LFNG: variants seen among roughly 807,000 people sequenced by gnomAD.
LFNG encodes the protein LFNG O-fucosylpeptide 3-beta-N-acetylglucosaminyltransferase.
A neutral mutation model predicts 32.7 loss-of-function variants in LFNG; 15 were observed. The observed-to-expected ratio is 0.46, with a 90% CI of 0.31 to 0.71. The LOEUF (loss-of-function observed/expected upper bound fraction) is 0.71. Among genes scored for constraint, LFNG ranks in the 30% least tolerant of loss-of-function variants. The probability of loss-of-function intolerance (pLI) is 0.06; values close to 1 mark genes in which losing one functional copy is unlikely to be tolerated. For synonymous variants in LFNG, 274 were observed against 246.8 expected (o/e 1.11, Z -1.03); for missense variants, 520 against 545.7 (o/e 0.95, Z 0.47).
upstream of LFNG, chr7:2,517,776 G>A: frequency 2.5e-6 from 2 of 813,908 alleles, no homozygotes; most frequent in Non-Finnish European, 3.6e-6. Flanking sequence ...ATTGAGGAGG[G>A]ATTGGGCCTC....
chr7:2,526,101 GA>G lies in LFNG; in HGVS notation c.822-142del. 1.2e-6 allele frequency: 1 copy of G among 805,390 alleles called. No individual in the cohort carries two copies. The highest frequency in any genetic ancestry group is 1.7e-5 in the South Asian group (1 of 59,306). The allele number at this position is 805,390 out of a possible 1,614,324, so 49.9% of individuals were successfully genotyped here. ...GAGTGTGCCCTGGCTGTGGCCAGGGGAGGCAGAGGGAGCTGCAGCCCAGAGC... is the reference window on the plus strand; with the variant it reads ...GAGTGTGCCCTGGCTGTGGCCAGGGGGGCAGAGGGAGCTGCAGCCCAGAGC... On this transcript the variant is annotated intron_variant, in intron 5 of 7. Coordinates refer to ENST00000222725, the MANE Select transcript of LFNG (RefSeq NM_001040167.2). This position sits in a 1 kb window ranked among gnomAD's most constrained non-coding sequence, Gnocchi z 6.9.
Position 2,520,652 on chromosome 7 carries a change from C to T in LFNG, c.432+359C>T, listed in dbSNP as rs1317255725. Reference sequence around the variant, plus strand: ...GTCCTCAAACTTCCACAAGCAAATTCTGTTCGGACCCACCCTCAGCTCAGA... The same window carrying T: ...GTCCTCAAACTTCCACAAGCAAATTTTGTTCGGACCCACCCTCAGCTCAGA... On this transcript the variant is annotated intron_variant, in intron 1 of 7. Coordinates refer to ENST00000222725, the MANE Select transcript of LFNG (RefSeq NM_001040167.2). This position sits in a 1 kb window ranked among gnomAD's most constrained non-coding sequence, Gnocchi z 5.0. 6.6e-5 allele frequency among the ~76,000 whole-genome samples: 10 copies of T among 152,356 alleles called. No individual in the cohort carries two copies. The East Asian group carries it at 1.3e-3, about 21-fold the overall frequency.
Position 2,524,751 on chromosome 7 carries a change from C to G in LFNG, c.481+8C>G. The G allele has an allele frequency of 6.3e-7, 1 of 1,583,068 alleles. No homozygotes were observed. Among genetic ancestry groups the G allele is most frequent in the Non-Finnish European group, 8.6e-7 (1 of 1,164,470 alleles). ...CCCTGGCCAGGCACACGGGTGAGCCCTGGACTTGGGGCGGGAGGGGGCCCA... is the reference window on the plus strand; with the variant it reads ...CCCTGGCCAGGCACACGGGTGAGCCGTGGACTTGGGGCGGGAGGGGGCCCA... On this transcript the variant is annotated splice_region_variant and intron_variant, in intron 2 of 7. Coordinates refer to ENST00000222725, the MANE Select transcript of LFNG (RefSeq NM_001040167.2).
upstream of LFNG, chr7:2,517,716 G>A (rs915302660): frequency 2.0e-6 from 1 of 492,088 alleles, no homozygotes; most frequent in South Asian, 1.5e-5. Context: ...CAGGTACAGA[G>A]CACAACCCGT....
chr7:2,522,988 C>G (rs1779836235), intron 1 of LFNG, among the ~76,000 whole-genome samples: 2 of 152,226 alleles, frequency 1.3e-5, no homozygotes, highest in African/African-American at 4.8e-5. Context: ...ACCGGCACCC[C>G]CGCACCCCAT....
Position 2,526,110 on chromosome 7 carries a change from G to A in LFNG, c.822-134G>A, listed in dbSNP as rs1002525917. 7 of 879,358 alleles carry A rather than the reference G, an allele frequency of 8.0e-6. No homozygotes were observed. The African/African-American group carries it at 1.0e-4, about 13-fold the overall frequency. 54.5% of individuals were successfully genotyped at this position (879,358 alleles called of 1,614,324 possible). ...CTGGCTGTGGCCAGGGGAGGCAGAG[G>A]GAGCTGCAGCCCAGAGCTCTCCTCA... On this transcript the variant is annotated intron_variant, in intron 5 of 7. Coordinates refer to ENST00000222725, the MANE Select transcript of LFNG (RefSeq NM_001040167.2). The surrounding 1 kb of genome is among the most constrained non-coding windows in gnomAD (Gnocchi z 6.9).
intron 1 of LFNG, chr7:2,512,800 A>T: frequency 4.0e-6 from 4 of 1,007,394 alleles, no homozygotes; most frequent in Non-Finnish European, 6.2e-6. Flanking sequence ...GTACCCCTGC[A>T]TTCTACACCT....
rs1583279222 is a variant in LFNG, at chr7:2,527,539, C to T, written c.*327C>T. 3.1e-6 allele frequency: 4 copies of T among 1,287,914 alleles called. No individual in the cohort carries two copies. In the East Asian group the frequency reaches 1.5e-4, roughly 49 times the overall value. The allele number at this position is 1,287,914 out of a possible 1,614,324, so 79.8% of individuals were successfully genotyped here. A position where few individuals can be genotyped will look rare whatever the true frequency, so the allele number is the denominator to read the frequency against. ...TTAGGATTTTTGGATCTTTCTACAG[C>T]TACGGGGCTCCGGGCTACTTTGCAG... On this transcript the variant is annotated 3_prime_UTR_variant, in exon 8 of 8. Transcript: ENST00000222725. The surrounding 1 kb of genome is among the most constrained non-coding windows in gnomAD (Gnocchi z 4.4).
chr7:2,513,124 C>T (rs373971431), upstream of LFNG: 2 of 1,610,494 alleles, frequency 1.2e-6, no homozygotes, highest in Non-Finnish European at 1.7e-6. Flanking sequence ...TTTTCTAACC[C>T]CTGTTGAATC....
chr7:2,529,024 C>CACTG (rs1467095726), downstream of LFNG: 14 of 439,416 alleles, frequency 3.2e-5, no homozygotes, highest in Non-Finnish European at 4.1e-6. This position sits in a 1 kb window ranked among gnomAD's most constrained non-coding sequence, Gnocchi z 4.2. Flanking sequence ...TGTGATGTGG[C>CACTG]CCCAGGCCCC....
At chr7:2,515,869 C>T (rs1046487488), upstream of LFNG, among the ~76,000 whole-genome samples, 2 of 152,242 alleles carry the variant, frequency 1.3e-5, no homozygotes, top group African/African-American at 4.8e-5. Flanking sequence ...CCCACTCCAG[C>T]TGCAGTAATG....
At position 2,519,933 on chromosome 7, in the gene LFNG, C is replaced by A; in HGVS notation, c.72C>A (p.Leu24=). 5 of 1,032,950 alleles carry A rather than the reference C, an allele frequency of 4.8e-6. No individual in the cohort carries two copies. In the South Asian group the frequency reaches 2.1e-4, roughly 43 times the overall value. The allele number at this position is 1,032,950 out of a possible 1,614,324, so 64.0% of individuals were successfully genotyped here. The change falls in exon 1 of 8, where the codon CTC becomes CTA. Residue 24 remains leucine, a synonymous_variant. Transcript: ENST00000222725. ...CGCTGCTCGCCTGCCTGCTGGTGCT[C>A]ACCGCCGACCCGCCGCCGCCTCCAC... is the stretch of plus-strand genomic sequence containing the variant. ...AGALLACLLV[L]TADPPPPPLP...
At position 2,526,911 on chromosome 7, in the gene LFNG, G is replaced by C. The variant is rs780649312; in HGVS notation, c.1063G>C (p.Asp355His). The C allele has an allele frequency of 6.2e-7, 1 of 1,612,440 alleles. No homozygotes were observed. The highest frequency in any genetic ancestry group is 8.5e-7 in the Non-Finnish European group (1 of 1,179,826). The change falls in exon 7 of 8, where the codon GAC becomes CAC. Residue 355 changes from aspartate to histidine, a missense_variant. This residue lies in a region of LFNG where 150 missense variants were observed against 159.9 expected (regional missense o/e 0.94). Transcript: ENST00000222725. This position sits in a 1 kb window ranked among gnomAD's most constrained non-coding sequence, Gnocchi z 6.9. The stretch of plus-strand genomic sequence containing the variant: ...GAAGGGGCCCTTCTCGGTGGAGGCC[G>C]ACCCATCCAGGTAAGGAAACCCCGG... ...HVKGPFSVEA[D>H]PSRFRSIHCH...
chr7:2,516,420 C>A (rs1016536968), upstream of LFNG, among the ~76,000 whole-genome samples: 2 of 152,240 alleles, frequency 1.3e-5, no homozygotes, highest in Non-Finnish European at 2.9e-5. Context: ...GGCAGATGGC[C>A]ACCTCAAAGC....
chr7:2,515,749 A>T (rs1464889526), upstream of LFNG, among the ~76,000 whole-genome samples: 1 of 152,240 alleles, frequency 6.6e-6, no homozygotes, highest in Non-Finnish European at 1.5e-5. Flanking sequence ...ACAGAAGGGC[A>T]CTGGCCCAAG....
At position 2,527,141 on chromosome 7, in the gene LFNG, C is replaced by T. The variant is rs375460826; in HGVS notation, c.1074-5C>T. 1.2e-6 allele frequency: 2 copies of T among 1,612,224 alleles called. No homozygotes were observed. The highest frequency in any genetic ancestry group is 2.7e-5 in the African/African-American group (2 of 74,880). ...CGCAGACCAGCCCCTGCTCTGTTCC[C>T]ACAGGTTCCGCTCCATCCACTGCCA... On this transcript the variant is annotated splice_region_variant and splice_polypyrimidine_tract_variant and intron_variant, in intron 7 of 7. Coordinates refer to ENST00000222725, the MANE Select transcript of LFNG (RefSeq NM_001040167.2). The surrounding 1 kb of genome is among the most constrained non-coding windows in gnomAD (Gnocchi z 4.4).
rs375428158 is a variant in LFNG at position 2,525,491 on chromosome 7, C to T, written c.659C>T (p.Thr220Met). The T allele has an allele frequency of 3.2e-5, 52 of 1,612,412 alleles. 1 individual carries two copies. The highest frequency in any genetic ancestry group is 1.9e-4 in the South Asian group (17 of 91,070). Residue 220 changes from threonine to methionine, a missense_variant, in exon 4 of 8, where the codon ACG becomes ATG. Thr to Met is a moderately conservative substitution (Grantham distance 81). This residue lies in a region of LFNG where 360 missense variants were observed against 354.7 expected (regional missense o/e 1.01). Transcript: ENST00000222725. ...LLRLLASYPH[T>M]RDVYVGKPSL... is the part of the protein sequence containing the mutation. Reference sequence around the variant, plus strand: ...CGGCTGCTGGCCAGCTACCCGCACACGCGGGACGTCTACGTCGGCAAGCCC... The same window carrying T: ...CGGCTGCTGGCCAGCTACCCGCACATGCGGGACGTCTACGTCGGCAAGCCC...
chr7:2,525,907 C>T (rs1779954988), intron 5 of LFNG, 137 bp downstream of exon 5: 2 of 818,010 alleles, frequency 2.4e-6, no homozygotes, highest in Admixed American at 2.1e-5. Context: ...CTATATTCCA[C>T]TTCCCTCTGG....
chr7:2,521,604 G>GC (rs1016656624), intron 1 of LFNG, among the ~76,000 whole-genome samples: 5 of 152,092 alleles, frequency 3.3e-5, no homozygotes, highest in African/African-American at 7.2e-5. Flanking sequence ...CCTGAGCCTG[G>GC]CCCCCCCACC....
Sources: allele counts gnomAD v4.1 joint callset (sites outside exome capture counted in the v4.1 genomes callset), GRCh38; gene constraint gnomAD v4.1.1; regional missense constraint gnomAD v4.1.1; non-coding constraint Gnocchi (gnomAD v3.1); transcripts MANE v1.5; gene names NCBI Gene and HGNC (gene_info 2026-07-23, HGNC 2026-07-21).